The following LINGO2 variants were observed in gnomAD, a reference collection of about 807,000 sequenced individuals.
LINGO2 encodes the protein leucine-rich repeat and immunoglobulin-like domain-containing nogo receptor-interacting protein 2.
A neutral mutation model predicts 30.6 loss-of-function variants in LINGO2; 14 were observed. The observed-to-expected ratio is 0.46, with a 90% CI of 0.30 to 0.72. LINGO2 has a LOEUF of 0.72. Ranked by LOEUF, LINGO2 falls within the 30% of genes least tolerant of loss-of-function variation. The pLI is 0.07. For synonymous variants in LINGO2, 317 were observed against 288.5 expected, an observed-to-expected ratio of 1.10 and a Z score of -1.00; for missense variants, 729 against 751.7, an observed-to-expected ratio of 0.97 and a Z score of 0.35.
chr9:29,015,339 A>C, the LINGO2 span, among the ~76,000 whole-genome samples: 2 of 152,240 alleles, frequency 1.3e-5, no homozygotes, highest in South Asian at 4.1e-4. Context: ...ACATATATTA[A>C]ATATATTTGA....
intron 1 of LINGO2, among the ~76,000 whole-genome samples, chr9:28,604,647 T>G (rs1013973056): frequency 3.9e-5 from 6 of 152,082 alleles, no homozygotes. Flanking sequence ...TGTTAACTGT[T>G]GTACTGTTTG....
At chr9:28,301,557 G>A (rs1475445536) in intron 3 of LINGO2, among the ~76,000 whole-genome samples, 1 of 152,070 alleles carries the variant, frequency 6.6e-6, no homozygotes, top group African/African-American at 2.4e-5. Context: ...CACTTCCCTA[G>A]ATTACACTTA....
chr9:29,152,341 C>A, the LINGO2 span, among the ~76,000 whole-genome samples: 1 of 151,956 alleles, frequency 6.6e-6, no homozygotes, highest in Non-Finnish European at 1.5e-5. Context: ...ATTTGTTCTG[C>A]AAAAAAGACA....
At chr9:28,479,908 T>G (rs1396526745) in intron 1 of LINGO2, among the ~76,000 whole-genome samples, 4 of 69,422 alleles carry the variant, frequency 5.8e-5, no homozygotes, top group Non-Finnish European at 1.2e-4. Context: ...TATATATACG[T>G]AGGTATATAT....
intron 4 of LINGO2, among the ~76,000 whole-genome samples, chr9:28,056,005 G>T (rs887500563): frequency 1.5e-4 from 23 of 152,064 alleles, no homozygotes; most frequent in African/African-American, 5.6e-4. Context: ...GAGACGAAAA[G>T]AAAGAACATA....
chr9:28,144,382 A>C (rs911704921), intron 4 of LINGO2, among the ~76,000 whole-genome samples: 1 of 152,184 alleles, frequency 6.6e-6, no homozygotes, highest in Non-Finnish European at 1.5e-5. Flanking sequence ...GATCTATACT[A>C]ACCCATTGAA....
At position 28,530,326 on chromosome 9, in the gene LINGO2, T is replaced by G. The variant is rs376750544; in HGVS notation, c.-364-54301A>C. Among the ~76,000 whole-genome samples the G allele has an allele frequency of 8.1e-4, 123 of 152,206 alleles. 1 individual carries two copies. In the South Asian group the frequency reaches 0.025, roughly 30 times the overall value. On this transcript the variant is annotated intron_variant, in intron 1 of 5. Coordinates refer to ENST00000379992, the Ensembl canonical transcript of LINGO2. ...CATCTGCCATTCCATTTTGAGCAAA[T>G]TATCCCTCAGGCAATAGTTGCACTT... is the stretch of plus-strand genomic sequence containing the variant.
chr9:29,128,609 T>G, the LINGO2 span, among the ~76,000 whole-genome samples: 1 of 152,078 alleles, frequency 6.6e-6, no homozygotes, highest in African/African-American at 2.4e-5. Flanking sequence ...GGCCTGAATG[T>G]TCTTTGGAGT....
chr9:28,719,983 A>T, the LINGO2 span, among the ~76,000 whole-genome samples: 2 of 152,048 alleles, frequency 1.3e-5, no homozygotes, highest in Non-Finnish European at 2.9e-5. Flanking sequence ...ACATCATCAG[A>T]ACATATAATA....
the LINGO2 span, among the ~76,000 whole-genome samples, chr9:28,751,662 A>G: frequency 6.8e-4 from 104 of 152,138 alleles, no homozygotes; most frequent in Middle Eastern, 3.4e-3. Flanking sequence ...ATTCACTACT[A>G]TACTAGTGTT....
intron 1 of LINGO2, among the ~76,000 whole-genome samples, chr9:28,597,756 GTATGTATA>G (rs1277848444): frequency 5.3e-5 from 8 of 152,030 alleles, no homozygotes; most frequent in African/African-American, 1.9e-4. Flanking sequence ...ATGCATGTAT[GTATGTATA>G]TATGTATTTA....
the LINGO2 span, among the ~76,000 whole-genome samples, chr9:28,955,704 T>C: frequency 9.5e-4 from 144 of 152,234 alleles, no homozygotes; most frequent in South Asian, 2.7e-3. Context: ...GAACTAAACA[T>C]ATAATTTTCC....
At chr9:28,664,991 G>T (rs1330774294) in intron 1 of LINGO2, among the ~76,000 whole-genome samples, 1 of 81,142 alleles carries the variant, frequency 1.2e-5, no homozygotes, top group Non-Finnish European at 2.7e-5. Flanking sequence ...TTATGTATGT[G>T]TTTACATATA....
chr9:28,527,157 G>C lies in LINGO2; in HGVS notation c.-364-51132C>G, dbSNP rs113197969. The stretch of plus-strand genomic sequence containing the variant: ...GGAGATTATGTAGTATAATCTTCTC[G>C]CTGTACAGGCAAGCAAACTTGGTTC... On this transcript the variant is annotated intron_variant, in intron 1 of 5. Transcript: ENST00000379992. 5.7e-3 allele frequency among the ~76,000 whole-genome samples: 873 copies of C among 152,110 alleles called. 9 individuals are homozygous for C. The highest frequency in any genetic ancestry group is 0.02 in the African/African-American group (819 of 41,482).
At chr9:28,443,794 C>G (rs1265602705) in intron 2 of LINGO2, among the ~76,000 whole-genome samples, 2 of 152,244 alleles carry the variant, frequency 1.3e-5, no homozygotes, top group South Asian at 2.1e-4. Context: ...ACAAACAGCA[C>G]GTTGATGGTG....
At chr9:28,122,880 A>G (rs573445834) in intron 4 of LINGO2, among the ~76,000 whole-genome samples, 2 of 152,370 alleles carry the variant, frequency 1.3e-5, no homozygotes, top group East Asian at 1.9e-4. Context: ...GGTGACGCCT[A>G]TAGCAGGCAA....
chr9:28,001,434 G>A (rs570816765), intron 5 of LINGO2, among the ~76,000 whole-genome samples: 1 of 152,294 alleles, frequency 6.6e-6, no homozygotes, highest in African/African-American at 2.4e-5. Flanking sequence ...GAAGAACCTT[G>A]GAGCTCAACT....
In LINGO2 at chr9:28,619,485, A is replaced by T. The variant is rs548505602; in HGVS notation, c.-365+50715T>A. ...CTTTACAGACTTATTGGAAACGATG[A>T]ATAAGATACTGAATGTAATTAATTT... On this transcript the variant is annotated intron_variant, in intron 1 of 5. Transcript: ENST00000379992. 1.1e-3 allele frequency among the ~76,000 whole-genome samples: 166 copies of T among 152,278 alleles called. 2 individuals carry two copies. Among genetic ancestry groups the T allele is most frequent in the Non-Finnish European group, 2.1e-3 (142 of 67,994 alleles).
the LINGO2 span, among the ~76,000 whole-genome samples, chr9:28,840,110 G>A: frequency 2.0e-5 from 3 of 150,396 alleles, no homozygotes; most frequent in East Asian, 3.9e-4. Flanking sequence ...ACAGGAGCAG[G>A]AACCTCTGAG....
Sources: allele counts gnomAD v4.1 joint callset (sites outside exome capture counted in the v4.1 genomes callset), GRCh38; gene constraint gnomAD v4.1.1; transcripts MANE v1.5; gene names NCBI Gene and HGNC (gene_info 2026-07-23, HGNC 2026-07-21).